Variants in AXIN1 observed in about 807,000 individuals in gnomAD.
AXIN1 encodes the protein axin 1, also known as axin-1.
In AXIN1, 30 loss-of-function variants were observed where a neutral mutation model predicts 76.4. That is an observed-to-expected ratio of 0.39 (90% CI 0.29 to 0.53). The LOEUF (loss-of-function observed/expected upper bound fraction) is 0.53, where lower values mean the gene tolerates loss of function less well. Among genes scored for constraint, AXIN1 ranks in the 20% least tolerant of loss-of-function variants. The pLI, the probability that AXIN1 is intolerant of heterozygous loss-of-function variation, is 0.66. For synonymous variants in AXIN1, 545 were observed against 501.4 expected, an observed-to-expected ratio of 1.09 and a Z score of -1.16; for missense variants, 1,140 against 1,198.8, an observed-to-expected ratio of 0.95 and a Z score of 0.72.
In AXIN1 at chr16:287,757, C is replaced by G. The variant is rs935407582; in HGVS notation, c.*365G>C. On this transcript the variant is annotated 3_prime_UTR_variant, in exon 11 of 11. Transcript: ENST00000262320. ...ATCCGGGCCTGGGCCCCACCCAGAC[C>G]TGGGTACGTGGGCAAATCCCAGAGG... The G allele has an allele frequency of 1.2e-5, 5 of 425,216 alleles. No homozygotes were observed. Among genetic ancestry groups the G allele is most frequent in the African/African-American group, 9.9e-5 (5 of 50,466 alleles). The allele number at this position is 425,216 out of a possible 1,614,324, so 26.3% of individuals were successfully genotyped here.
chr16:333,925 CACCCAGT>C (rs2053745683), intron 2 of AXIN1, among the ~76,000 whole-genome samples: 1 of 151,560 alleles, frequency 6.6e-6, no homozygotes, highest in South Asian at 2.1e-4. Context: ...CATAACACAG[CACCCAGT>C]ACCATACCAT....
intron 2 of AXIN1, among the ~76,000 whole-genome samples, chr16:317,396 C>T (rs1470837124): frequency 6.6e-6 from 1 of 152,170 alleles, no homozygotes; most frequent in Non-Finnish European, 1.5e-5. Context: ...TGACCGTGCT[C>T]AGCTGCTCGG....
intron 2 of AXIN1, among the ~76,000 whole-genome samples, chr16:318,057 T>G (rs1415114240): frequency 1.3e-5 from 2 of 152,220 alleles, no homozygotes; most frequent in African/African-American, 2.4e-5. Context: ...ACGGCGCGTC[T>G]GTAGCCCACG....
chr16:298,360 C>G, intron 5 of AXIN1, 109 bp from the exon 6 acceptor site: 1 of 1,482,168 alleles, frequency 6.7e-7, no homozygotes, highest in Non-Finnish European at 9.1e-7. Flanking sequence ...CGTCCCAGCC[C>G]AGGGTGGCCG....
At chr16:351,296 C>CA (rs66459532) in intron 1 of AXIN1, among the ~76,000 whole-genome samples, 37,569 of 151,878 alleles carry the variant, frequency 0.25, 4,785 homozygotes, top group South Asian at 0.32. Context: ...CTGACATGCA[C>CA]ATAAGAACCC....
At chr16:289,196 C>T (rs2052480372) in intron 10 of AXIN1, among the ~76,000 whole-genome samples, 1 of 151,896 alleles carries the variant, frequency 6.6e-6, no homozygotes, top group African/African-American at 2.4e-5. Flanking sequence ...TCAAGCAATT[C>T]TGCCTCAGCC....
chr16:329,892 CA>C (rs1418499953), intron 2 of AXIN1, among the ~76,000 whole-genome samples: 2 of 152,006 alleles, frequency 1.3e-5, no homozygotes. Context: ...CTCAGCCTCC[CA>C]GAGTGCTGGG....
At position 287,691 on chromosome 16, in the gene AXIN1, C is replaced by T. The variant is rs34665498; in HGVS notation, c.*431G>A. 0.14 allele frequency: 47,791 copies of T among 338,010 alleles called. 3,964 individuals are homozygous for T. Among genetic ancestry groups the T allele is most frequent in the South Asian group, 0.22 (5,199 of 24,112 alleles). The allele number at this position is 338,010 out of a possible 1,614,324, so 20.9% of individuals were successfully genotyped here. On this transcript the variant is annotated 3_prime_UTR_variant, in exon 11 of 11. Coordinates refer to ENST00000262320, the MANE Select transcript of AXIN1 (RefSeq NM_003502.4). ...AGAGACAAGCTGTGTTGAAGGCACT[C>T]GGTGGCGCGTACAATTGACAGAGGC...
chr16:347,824 A>G (rs1225336042), intron 1 of AXIN1, among the ~76,000 whole-genome samples: 2 of 152,214 alleles, frequency 1.3e-5, no homozygotes, highest in Non-Finnish European at 2.9e-5. Flanking sequence ...GCGCTCGGAC[A>G]CCGTCACTGG....
At chr16:290,637 C>T (rs887894340) in intron 9 of AXIN1, 1 of 182,904 alleles carries the variant, frequency 5.5e-6, no homozygotes, top group Non-Finnish European at 1.2e-5. Context: ...CATAAAGGCG[C>T]CGTCGACACG....
chr16:293,534 G>C lies in AXIN1; in HGVS notation c.2140C>G (p.Leu714Val), dbSNP rs2141485190. The change falls in exon 8 of 11, where the codon CTG becomes GTG. Residue 714 changes from leucine to valine, a missense_variant. Transcript: ENST00000262320. This position sits in a 1 kb window ranked among gnomAD's most constrained non-coding sequence, Gnocchi z 4.6. ...LTQLEEARRR[L>V]EEEEKRASRA... ...CTGGCTCTCTTTTCTTCCTCCTCCAGACGTCGGCGCGCCTCCTCCAGCTGG... is the reference window on the plus strand; with the variant it reads ...CTGGCTCTCTTTTCTTCCTCCTCCACACGTCGGCGCGCCTCCTCCAGCTGG... The C allele has an allele frequency of 6.2e-7, 1 of 1,611,180 alleles. No individual in the cohort carries two copies. Among genetic ancestry groups the C allele is most frequent in the East Asian group, 2.2e-5 (1 of 44,872 alleles).
chr16:289,393 A>C (rs2052487348), intron 10 of AXIN1, 47 bp downstream of exon 10: 2 of 1,608,634 alleles, frequency 1.2e-6, no homozygotes, highest in South Asian at 2.2e-5. Context: ...ACCGTTGGGC[A>C]CCCACATACT....
At chr16:326,394 T>TATACATATATATATATATACACAC (rs144093618) in intron 2 of AXIN1, among the ~76,000 whole-genome samples, 8 of 119,660 alleles carry the variant, frequency 6.7e-5, no homozygotes, top group African/African-American at 2.8e-4. Context: ...TATATATATA[T>TATACATATATATATATATACACAC]ACACACCTAT....
chr16:313,575 A>G (rs565341472), intron 3 of AXIN1, among the ~76,000 whole-genome samples: 20 of 152,342 alleles, frequency 1.3e-4, no homozygotes, highest in African/African-American at 4.3e-4. Flanking sequence ...AGGCTGCTGC[A>G]GGGAGACCCT....
Position 287,925 on chromosome 16 carries a change from C to CT in AXIN1, c.*196dup. On this transcript the variant is annotated 3_prime_UTR_variant, in exon 11 of 11. Transcript: ENST00000262320. ...TATGAGGAGTGGTCCAGGCTGCCTC[C>CT]TTGGGGGCAGGACAGAAGCTTGTGG... The CT allele has an allele frequency of 1.1e-6, 1 of 872,222 alleles. No homozygotes were observed. Among genetic ancestry groups the CT allele is most frequent in the Non-Finnish European group, 1.8e-6 (1 of 548,640 alleles). The allele number at this position is 872,222 out of a possible 1,614,324, so 54.0% of individuals were successfully genotyped here.
At chr16:328,290 G>C (rs1597084795) in intron 2 of AXIN1, among the ~76,000 whole-genome samples, 1 of 152,120 alleles carries the variant, frequency 6.6e-6, no homozygotes, top group Non-Finnish European at 1.5e-5. Flanking sequence ...CTACTCAGGA[G>C]GCTGAGGCAG....
chr16:323,802 A>C (rs560272201), intron 2 of AXIN1, among the ~76,000 whole-genome samples: 223 of 151,704 alleles, frequency 1.5e-3, no homozygotes, highest in African/African-American at 4.4e-3. Context: ...ACACACACAC[A>C]CCAACAAAAC....
At chr16:331,335 T>C (rs777250092) in intron 2 of AXIN1, among the ~76,000 whole-genome samples, 70 of 152,318 alleles carry the variant, frequency 4.6e-4, no homozygotes, top group Admixed American at 1.7e-3. Context: ...ACCCTCTTTA[T>C]GACATTCTCA....
In AXIN1 at chr16:332,932, T is replaced by C. The variant is rs183690376; in HGVS notation, c.878+13216A>G. Among the ~76,000 whole-genome samples, 339 of 152,234 alleles carry C rather than the reference T, an allele frequency of 2.2e-3. 4 individuals carry two copies. Among genetic ancestry groups the C allele is most frequent in the African/African-American group, 7.9e-3 (329 of 41,548 alleles). ...GCAATCAATGGCTCACACCTGCAAT[T>C]TCAACTCTCTGAGAGGCCAAAGTAG... On this transcript the variant is annotated intron_variant, in intron 2 of 10. Coordinates refer to ENST00000262320, the MANE Select transcript of AXIN1 (RefSeq NM_003502.4).
Sources: gnomAD v4.1 joint callset for allele counts (sites outside exome capture counted in the v4.1 genomes callset) on GRCh38, gnomAD v4.1.1 for gene constraint, Gnocchi (gnomAD v3.1) non-coding constraint, MANE v1.5 for transcripts, NCBI Gene and HGNC (gene_info 2026-07-23, HGNC 2026-07-21) for gene names.